MTCL1: variants seen among roughly 807,000 people sequenced by gnomAD.
MTCL1 encodes microtubule crosslinking factor 1.
MTCL1 carries 79 observed loss-of-function variants against 141.4 expected under a neutral mutation model. The ratio of observed to expected loss-of-function variants is 0.56; its 90% confidence interval spans 0.47 to 0.67. The LOEUF (loss-of-function observed/expected upper bound fraction) is 0.67, where lower values mean the gene tolerates loss of function less well. Ranked by LOEUF, MTCL1 falls within the 30% of genes least tolerant of loss-of-function variation. The pLI is 0.00. For synonymous variants in MTCL1, 914 were observed against 875.8 expected (o/e 1.04, Z -0.77); for missense variants, 2,177 against 2,113.9 (o/e 1.03, Z -0.59).
intron 4 of MTCL1, among the ~76,000 whole-genome samples, chr18:8,752,387 G>C (rs2096376300): frequency 6.6e-6 from 1 of 152,170 alleles, no homozygotes; most frequent in Non-Finnish European, 1.5e-5. Context: ...ACTGATAGTT[G>C]TTAACATAAC....
At chr18:8,783,753 T>A (rs766979155) in exon 6 of MTCL1, 2 of 1,611,226 alleles carry the variant, frequency 1.2e-6, no homozygotes, top group African/African-American at 2.7e-5. Context: ...CTAAAGCTGG[T>A]GGAGGAGGAA....
chr18:8,802,541 A>C (rs937666209), intron 10 of MTCL1, among the ~76,000 whole-genome samples: 2 of 152,216 alleles, frequency 1.3e-5, no homozygotes, highest in Non-Finnish European at 2.9e-5. Context: ...ACGTTACCTT[A>C]TCTACAAACT....
At chr18:8,815,938 G>A (rs1568091435) in intron 12 of MTCL1, among the ~76,000 whole-genome samples, 1 of 152,136 alleles carries the variant, frequency 6.6e-6, no homozygotes, top group Non-Finnish European at 1.5e-5. Context: ...AAGAGGATTG[G>A]TTACAAATGA....
At chr18:8,745,700 T>G (rs1325533419) in intron 4 of MTCL1, among the ~76,000 whole-genome samples, 5 of 152,234 alleles carry the variant, frequency 3.3e-5, no homozygotes, top group African/African-American at 9.6e-5. Flanking sequence ...TGTGCACATG[T>G]TCAACTTTTA....
intron 9 of MTCL1, among the ~76,000 whole-genome samples, chr18:8,796,726 C>T (rs940174104): frequency 6.6e-6 from 1 of 152,110 alleles, no homozygotes; most frequent in East Asian, 1.9e-4. Context: ...GTAGCAAGAG[C>T]AGGTATGCAG....
chr18:8,786,117 C>CCCCCCCA, intron 7 of MTCL1, 26 bp downstream of exon 6: 1 of 1,394,762 alleles, frequency 7.2e-7, no homozygotes, highest in Non-Finnish European at 9.4e-7. Context: ...CAATCCCCCC[C>CCCCCCCA]CCCCGCCCTC....
intron 4 of MTCL1, among the ~76,000 whole-genome samples, chr18:8,759,582 C>A (rs143493849): frequency 7.3e-4 from 111 of 152,184 alleles, no homozygotes; most frequent in Middle Eastern, 6.8e-3. Flanking sequence ...TTGTCACAAC[C>A]CAAAAACAAT....
exon 13 of MTCL1, chr18:8,818,981 C>A (rs1321199840): frequency 6.2e-7 from 1 of 1,613,526 alleles, no homozygotes; most frequent in Non-Finnish European, 8.5e-7. Context: ...AGAGAACAGT[C>A]CCCGGAGAGG....
At position 8,798,095 on chromosome 18, in the gene MTCL1, A is replaced by G; in HGVS notation, c.2242-2A>G. The G allele has an allele frequency of 1.3e-6, 2 of 1,576,698 alleles. No individual in the cohort carries two copies. The highest frequency in any genetic ancestry group is 1.7e-6 in the Non-Finnish European group (2 of 1,166,670). On this transcript the variant is annotated splice_acceptor_variant, in intron 9 of 16. Coordinates refer to ENST00000359865, the Ensembl canonical transcript of MTCL1. LOFTEE classifies it high-confidence loss of function. ...GTGATCGTCACCTCCTGCCTGTTTC[A>G]GGGTGAACATCCAGAGACCCTCTCC...
chr18:8,706,190 C>G (rs1025886612), exon 1 of MTCL1: 42 of 1,225,078 alleles, frequency 3.4e-5, no homozygotes, highest in Admixed American at 4.3e-5. Context: ...GTCGGCCCCC[C>G]GACCCCGGCC....
chr18:8,756,537 A>G (rs144853310), intron 4 of MTCL1, among the ~76,000 whole-genome samples: 2,592 of 146,806 alleles, frequency 0.018, 44 homozygotes, highest in South Asian at 0.063. Flanking sequence ...GTGTGTGTAT[A>G]TATGTGTATA....
chr18:8,783,388 C>A, intron 5 of MTCL1, 142 bp from the exon 5 acceptor site: 1 of 807,982 alleles, frequency 1.2e-6, no homozygotes, highest in Non-Finnish European at 1.9e-6. Flanking sequence ...GGCTGTTTCT[C>A]TATGTAACTC....
chr18:8,821,586 C>A, intron 14 of MTCL1, 88 bp downstream of exon 13: 1 of 650,326 alleles, frequency 1.5e-6, no homozygotes, highest in Non-Finnish European at 2.6e-6. Flanking sequence ...TCTATTTTAC[C>A]ACTCTCTTCA....
intron 6 of MTCL1, 170 bp from the exon 6 acceptor site, chr18:8,785,766 C>T (rs571814576): frequency 4.0e-6 from 3 of 748,114 alleles, no homozygotes; most frequent in Admixed American, 6.0e-5. Flanking sequence ...GTCTTTAAGC[C>T]TGTGTTTCTG....
chr18:8,784,877 G>A (rs371339873), intron 6 of MTCL1, 34 bp downstream of exon 5: 25 of 1,516,102 alleles, frequency 1.6e-5, no homozygotes, highest in African/African-American at 8.3e-5. Context: ...TCCCTGCTCC[G>A]CCTTGCTCTT....
chr18:8,736,091 C>T (rs1014677694), intron 4 of MTCL1, among the ~76,000 whole-genome samples: 4 of 152,044 alleles, frequency 2.6e-5, no homozygotes, highest in Non-Finnish European at 4.4e-5. Context: ...CATAAGCAGC[C>T]GGGGTATAGC....
chr18:8,784,430 T>TA lies in MTCL1; in HGVS notation c.1318_1319insA (p.Cys440Ter). 1 of 1,529,560 alleles carries TA rather than the reference T, an allele frequency of 6.5e-7. No individual in the cohort carries two copies. The highest frequency in any genetic ancestry group is 8.8e-7 in the Non-Finnish European group (1 of 1,138,458). 94.7% of individuals were successfully genotyped at this position (1,529,560 alleles called of 1,614,324 possible). A position where few individuals can be genotyped will look rare whatever the true frequency, so the allele number is the denominator to read the frequency against. Residue 440 changes from cysteine (C) to a stop codon, truncating the protein, a stop_gained and frameshift_variant, in exon 6 of 17, where the codon TGC (cysteine) becomes TAGC (stop). Transcript: ENST00000359865. LOFTEE classifies it high-confidence loss of function. ...GAAGCCATCGGAGGCCAGCGAGCCA[T>TA]GCCCCACGGAGCTCCTGAAGGCCCG...
intron 4 of MTCL1, among the ~76,000 whole-genome samples, chr18:8,758,660 A>T (rs1305247650): frequency 6.6e-6 from 1 of 152,162 alleles, no homozygotes; most frequent in Non-Finnish European, 1.5e-5. Flanking sequence ...TTTGTGCTGA[A>T]GTTTTCCTGA....
intron 4 of MTCL1, among the ~76,000 whole-genome samples, chr18:8,744,222 G>T (rs1427806325): frequency 1.3e-5 from 2 of 152,242 alleles, no homozygotes; most frequent in South Asian, 4.1e-4. Flanking sequence ...CTAGCTAGGT[G>T]CATGCGGTTA....
Sources: allele counts gnomAD v4.1 joint callset (sites outside exome capture counted in the v4.1 genomes callset), GRCh38; gene constraint gnomAD v4.1.1; transcripts MANE v1.5; gene names NCBI Gene and HGNC (gene_info 2026-07-23, HGNC 2026-07-21).